TTC27: variants seen among roughly 807,000 people sequenced by gnomAD.
The protein encoded by TTC27 is tetratricopeptide repeat protein 27.
In TTC27, 79 loss-of-function variants were observed where a neutral mutation model predicts 115.9. The ratio of observed to expected loss-of-function variants is 0.68; its 90% CI spans 0.57 to 0.82. The LOEUF (loss-of-function observed/expected upper bound fraction) is 0.82. Among genes scored for constraint, TTC27 ranks in the 40% least tolerant of loss-of-function variants. The probability of loss-of-function intolerance (pLI) is 0.00; values close to 1 mark genes in which losing one functional copy is unlikely to be tolerated. For synonymous variants in TTC27, 401 were observed against 356.0 expected (o/e 1.13, Z -1.42); for missense variants, 1,054 against 993.1 (o/e 1.06, Z -0.82).
intron 16 of TTC27, among the ~76,000 whole-genome samples, chr2:32,791,037 A>G (rs1393088892): frequency 6.6e-6 from 1 of 152,190 alleles, no homozygotes; most frequent in Non-Finnish European, 1.5e-5. Flanking sequence ...ATAGTTTGGT[A>G]AAACCCAGGA....
At chr2:32,714,075 T>C (rs1282191629) in intron 10 of TTC27, among the ~76,000 whole-genome samples, 1 of 152,114 alleles carries the variant, frequency 6.6e-6, no homozygotes, top group Admixed American at 6.6e-5. Flanking sequence ...TGGCTCCATC[T>C]TTGTTGCTGC....
Position 32,666,736 on chromosome 2 carries a change from C to G in TTC27, c.907C>G (p.Pro303Ala), listed in dbSNP as rs777462420. Residue 303 changes from proline to alanine, a missense_variant, in exon 7 of 20, where the codon CCA becomes GCA. Physicochemically the swap from Pro to Ala is conservative, Grantham distance 27. Coordinates refer to ENST00000317907, the MANE Select transcript of TTC27 (RefSeq NM_017735.5). ...GDVLSNCEFT[P>A]APTPQEHLTK... ...TGTCCTTTCAAATTGTGAATTCACT[C>G]CAGCACCCACTCCTCAGGAACATTT... The G allele has an allele frequency of 6.2e-7, 1 of 1,613,718 alleles. No homozygotes were observed. Among genetic ancestry groups the G allele is most frequent in the Admixed American group, 1.7e-5 (1 of 59,992 alleles).
chr2:32,766,479 G>C, intron 13 of TTC27: 1 of 457,128 alleles, frequency 2.2e-6, no homozygotes, highest in Non-Finnish European at 4.5e-6. Flanking sequence ...GAAGCGGGAG[G>C]CCTGAGGAGA....
chr2:32,681,187 T>C (rs1666411692), intron 9 of TTC27, among the ~76,000 whole-genome samples: 2 of 152,166 alleles, frequency 1.3e-5, no homozygotes. Context: ...AAGAGATGAG[T>C]TAATCCCGAG....
intron 3 of TTC27, among the ~76,000 whole-genome samples, chr2:32,635,565 T>C (rs188131717): frequency 6.2e-4 from 95 of 152,042 alleles, no homozygotes; most frequent in Non-Finnish European, 1.2e-3. Context: ...ACGCTTGTAA[T>C]CCCAGCTACT....
chr2:32,754,098 A>G (rs905896807), intron 12 of TTC27, among the ~76,000 whole-genome samples: 1 of 148,768 alleles, frequency 6.7e-6, no homozygotes, highest in African/African-American at 2.5e-5. Context: ...AATAAAAAAT[A>G]AAAATAAATA....
At chr2:32,706,363 A>G (rs758397182) in intron 10 of TTC27, among the ~76,000 whole-genome samples, 17 of 152,004 alleles carry the variant, frequency 1.1e-4, no homozygotes, top group Non-Finnish European at 2.4e-4. Flanking sequence ...GATTACAGGC[A>G]TGAGTCACTG....
At chr2:32,680,101 AG>A (rs1666366814) in intron 9 of TTC27, among the ~76,000 whole-genome samples, 1 of 152,148 alleles carries the variant, frequency 6.6e-6, no homozygotes, top group African/African-American at 2.4e-5. Flanking sequence ...TTAGGTGTTA[AG>A]TCGTTTGAGT....
At chr2:32,730,378 C>T (rs1668251465) in intron 10 of TTC27, among the ~76,000 whole-genome samples, 1 of 152,126 alleles carries the variant, frequency 6.6e-6, no homozygotes, top group Non-Finnish European at 1.5e-5. Flanking sequence ...ATCCAAGTGG[C>T]TTCACTTGCC....
chr2:32,820,731 T>G (rs1572643012), intron 19 of TTC27, 85 bp from the exon 20 acceptor site: 1 of 1,273,244 alleles, frequency 7.9e-7, no homozygotes, highest in Non-Finnish European at 1.0e-6. Context: ...ATGCAAAAGG[T>G]TTTTTAACTC....
chr2:32,708,143 A>G (rs919486138), intron 10 of TTC27, among the ~76,000 whole-genome samples: 1 of 151,960 alleles, frequency 6.6e-6, no homozygotes. Context: ...TCTGCCATCC[A>G]TGAGACAGCA....
chr2:32,694,530 T>C (rs1666918701), intron 9 of TTC27, among the ~76,000 whole-genome samples: 1 of 152,058 alleles, frequency 6.6e-6, no homozygotes, highest in Non-Finnish European at 1.5e-5. Flanking sequence ...CATTGTAAGA[T>C]CCATCTCTAT....
intron 5 of TTC27, among the ~76,000 whole-genome samples, chr2:32,660,481 G>A (rs887307978): frequency 4.0e-5 from 6 of 151,872 alleles, no homozygotes; most frequent in African/African-American, 1.5e-4. Context: ...ATCATTCTCA[G>A]CAAACTAACA....
rs1385384304 is a variant in TTC27, at chr2:32,677,121, T to C, written c.1053-1735T>C. Reference sequence around the variant, plus strand: ...GCTTAAATTTGCTTGTTTTTGAGCTTTATAAAAGTGGTATCTTATAATAAA... The same window carrying C: ...GCTTAAATTTGCTTGTTTTTGAGCTCTATAAAAGTGGTATCTTATAATAAA... On this transcript the variant is annotated intron_variant, in intron 8 of 19. Transcript: ENST00000317907. Among the ~76,000 whole-genome samples, 6 of 152,176 alleles carry C rather than the reference T, an allele frequency of 3.9e-5. No individual in the cohort carries two copies. In the East Asian group the frequency reaches 1.2e-3, roughly 29 times the overall value.
chr2:32,635,377 G>A (rs1664378296), intron 3 of TTC27: 1 of 153,854 alleles, frequency 6.5e-6, no homozygotes, highest in Non-Finnish European at 1.5e-5. Flanking sequence ...AGTGTTACCT[G>A]GTTTCTCAGA....
At position 32,664,465 on chromosome 2, in the gene TTC27, C is replaced by G. The variant is rs369574514; in HGVS notation, c.803C>G (p.Thr268Arg). 38 of 1,597,712 alleles carry G rather than the reference C, an allele frequency of 2.4e-5. No homozygotes were observed. Among genetic ancestry groups the G allele is most frequent in the Non-Finnish European group, 3.1e-5 (37 of 1,176,304 alleles). Residue 268 changes from threonine (T) to arginine (R), a missense_variant and splice_region_variant, in exon 6 of 20, where the codon ACA becomes AGA. Coordinates refer to ENST00000317907, the MANE Select transcript of TTC27 (RefSeq NM_017735.5). ...ATCAGCCAATTACAAATTGATTTGACAGGTAAGACTTATTTTTTGTGGATA... is the reference window on the plus strand; with the variant it reads ...ATCAGCCAATTACAAATTGATTTGAGAGGTAAGACTTATTTTTTGTGGATA... Reference protein sequence around the residue: ...KDISQLQIDLTGALGKRTRFQ... With the variant: ...KDISQLQIDLRGALGKRTRFQ...
chr2:32,708,309 T>TTTTTTTTG (rs1553554391), intron 10 of TTC27, among the ~76,000 whole-genome samples: 1 of 128,256 alleles, frequency 7.8e-6, no homozygotes, highest in Non-Finnish European at 1.7e-5. Flanking sequence ...ACCTTGTTTT[T>TTTTTTTTG]TTTTTTTTTT....
chr2:32,666,981 C>G (rs1048309801), intron 7 of TTC27, among the ~76,000 whole-genome samples: 1 of 146,562 alleles, frequency 6.8e-6, no homozygotes, highest in Admixed American at 6.8e-5. Context: ...TTTTTTTTTC[C>G]TAACCTGTAT....
At chr2:32,733,370 G>A (rs1229631990) in intron 10 of TTC27, among the ~76,000 whole-genome samples, 2 of 152,140 alleles carry the variant, frequency 1.3e-5, no homozygotes, top group Non-Finnish European at 2.9e-5. Flanking sequence ...GAGAGAACTT[G>A]CTCTCTGTGA....
Sources: gnomAD v4.1 joint callset for allele counts (sites outside exome capture counted in the v4.1 genomes callset) on GRCh38, gnomAD v4.1.1 for gene constraint, MANE v1.5 for transcripts, NCBI Gene and HGNC (gene_info 2026-07-23, HGNC 2026-07-21) for gene names.